Variants in EIF5A observed in about 807,000 individuals in gnomAD.
EIF5A encodes eukaryotic translation initiation factor 5A-1.
In EIF5A, 1 loss-of-function variant was observed where a neutral mutation model predicts 16.6. The observed-to-expected ratio is 0.06, with a 90% CI of 0.02 to 0.28. The LOEUF (loss-of-function observed/expected upper bound fraction) is 0.28, where lower values mean the gene tolerates loss of function less well. Ranked by LOEUF, EIF5A falls within the 10% of genes least tolerant of loss-of-function variation. EIF5A has a pLI of 1.00. For missense variants in EIF5A, 29 were observed against 196.1 expected (o/e 0.15, Z 5.09); for synonymous variants, 80 against 73.6 (o/e 1.09, Z -0.44).
Position 7,311,488 on chromosome 17 carries a change from T to G in EIF5A, c.402+7T>G. 1 of 1,614,120 alleles carries G rather than the reference T, an allele frequency of 6.2e-7. No homozygotes were observed. The highest frequency in any genetic ancestry group is 8.5e-7 in the Non-Finnish European group (1 of 1,180,000). ...CTGTGGAGAAGAGATCCTGGTATGG[T>G]GCCTCCCTCCCTGCTTCTGTGCTCA... On this transcript the variant is annotated splice_region_variant and intron_variant, in intron 4 of 5. Coordinates refer to ENST00000336458, the MANE Select transcript of EIF5A (RefSeq NM_001970.5).
chr17:7,307,479 T>C (rs1026163977), upstream of EIF5A: 5 of 1,023,760 alleles, frequency 4.9e-6, no homozygotes, highest in Non-Finnish European at 4.7e-6. Context: ...CGTATGCGCG[T>C]CATTGGACGG....
chr17:7,311,219 A>AG (rs2072816579), intron 3 of EIF5A, 97 bp downstream of exon 3: 1 of 1,578,496 alleles, frequency 6.3e-7, no homozygotes, highest in African/African-American at 1.4e-5. Flanking sequence ...GCTGGGAGAG[A>AG]GGAGGGAAAT....
In EIF5A at chr17:7,309,872, C is replaced by A. The variant is rs532826333; in HGVS notation, c.165+72C>A. 2.5e-6 allele frequency: 4 copies of A among 1,613,948 alleles called. No individual in the cohort carries two copies. The African/African-American group carries it at 5.3e-5, about 22-fold the overall frequency. ...CTTTGGCGCTCCCAGCAGCAAGCTG[C>A]CAACAGTGCTGACTTTCCTTTAACT... On this transcript the variant is annotated intron_variant, in intron 2 of 5. Transcript: ENST00000336458.
chr17:7,310,052 A>C (rs757021938), intron 2 of EIF5A: 46 of 1,475,742 alleles, frequency 3.1e-5, no homozygotes, highest in South Asian at 2.8e-4. Flanking sequence ...GCTTTGTGCC[A>C]ATCTCTTCAA....
chr17:7,307,215 C>G (rs1273643658), upstream of EIF5A: 13 of 1,357,100 alleles, frequency 9.6e-6, no homozygotes, highest in South Asian at 8.8e-5. Flanking sequence ...CTTTTCAACG[C>G]CTGGCGTACT....
At chr17:7,309,846 T>G in intron 2 of EIF5A, 46 bp downstream of exon 2, 1 of 1,614,094 alleles carries the variant, frequency 6.2e-7, no homozygotes, top group Non-Finnish European at 8.5e-7. Flanking sequence ...GCCTCCAGTA[T>G]CTTTGGCGCT....
intron 1 of EIF5A, chr17:7,308,013 C>G (rs1022309857): frequency 5.1e-6 from 5 of 985,030 alleles, no homozygotes; most frequent in Non-Finnish European, 6.0e-6. Flanking sequence ...CGGGAGAGGC[C>G]GCCAGGCGGC....
intron 2 of EIF5A, chr17:7,310,176 G>A (rs926129418): frequency 1.2e-5 from 15 of 1,294,394 alleles, no homozygotes; most frequent in Non-Finnish European, 1.4e-5. Flanking sequence ...ACGTTGCCCA[G>A]GGTTTCTCCA....
chr17:7,311,954 A>C lies in EIF5A; in HGVS notation c.*144A>C. ...TTGACGTTTTATTTTGGTTTTCCCC[A>C]CCCCCTCAATCTGTCGGGGAGCCCC... On this transcript the variant is annotated 3_prime_UTR_variant, in exon 6 of 6. Transcript: ENST00000336458. The C allele has an allele frequency of 6.7e-6, 3 of 447,790 alleles. No individual in the cohort carries two copies. Among genetic ancestry groups the C allele is most frequent in the Non-Finnish European group, 1.3e-5 (3 of 237,500 alleles). The allele number at this position is 447,790 out of a possible 1,614,324, so 27.7% of individuals were successfully genotyped here. A position where few individuals can be genotyped will look rare whatever the true frequency, so the allele number is the denominator to read the frequency against.
chr17:7,308,380 G>C (rs762730149), intron 1 of EIF5A: 266 of 1,203,930 alleles, frequency 2.2e-4, no homozygotes, highest in Non-Finnish European at 2.7e-4. Context: ...GGCAGGAGCC[G>C]GCAGCCCCTA....
At chr17:7,307,264 A>G, upstream of EIF5A, 2 of 1,191,018 alleles carry the variant, frequency 1.7e-6, no homozygotes, top group African/African-American at 3.1e-5. Flanking sequence ...TAGGATTCCG[A>G]ACACGCATGC....
chr17:7,311,656 G>T lies in EIF5A; in HGVS notation c.*11+5G>T. ...GGCAAAATAACTGGCTCCCAGGTGAGTGTGACAAATCCCTCACTGTCCCCT... is the reference window on the plus strand; with the variant it reads ...GGCAAAATAACTGGCTCCCAGGTGATTGTGACAAATCCCTCACTGTCCCCT... On this transcript the variant is annotated splice_donor_5th_base_variant and intron_variant, in intron 5 of 5. Coordinates refer to ENST00000336458, the MANE Select transcript of EIF5A (RefSeq NM_001970.5). 1 of 1,614,076 alleles carries T rather than the reference G, an allele frequency of 6.2e-7. No individual in the cohort carries two copies. The highest frequency in any genetic ancestry group is 8.5e-7 in the Non-Finnish European group (1 of 1,180,022).
chr17:7,309,540 T>G, intron 1 of EIF5A, 75 bp from the exon 2 acceptor site: 1 of 1,572,952 alleles, frequency 6.4e-7, no homozygotes, highest in Non-Finnish European at 8.6e-7. Flanking sequence ...AAAATGTTTC[T>G]GGAGAGAAAT....
intron 2 of EIF5A, chr17:7,310,454 GGT>G (rs34892598): frequency 0.058 from 68,525 of 1,174,082 alleles, 2,757 homozygotes; most frequent in East Asian, 0.28. Flanking sequence ...AATTTCTTGT[GGT>G]GTTTTTCCTT....
intron 1 of EIF5A, 162 bp from the exon 2 acceptor site, chr17:7,309,453 A>G (rs1355907526): frequency 5.6e-6 from 5 of 895,442 alleles, no homozygotes; most frequent in East Asian, 2.6e-5. Flanking sequence ...GTTCTTGAGT[A>G]TATTTGAGCC....
intron 1 of EIF5A, chr17:7,308,371 G>T: frequency 8.4e-7 from 1 of 1,191,248 alleles, no homozygotes; most frequent in African/African-American, 1.6e-5. Context: ...CACATGGTCG[G>T]CAGGAGCCGG....
At position 7,307,638 on chromosome 17, in the gene EIF5A, C is replaced by A. The variant is rs1398356404; in HGVS notation, c.-136C>A. The A allele has an allele frequency of 3.8e-6, 4 of 1,044,234 alleles. No individual in the cohort carries two copies. Among genetic ancestry groups the A allele is most frequent in the Admixed American group, 5.9e-5 (1 of 16,852 alleles). 64.7% of individuals were successfully genotyped at this position (1,044,234 alleles called of 1,614,324 possible). A position where few individuals can be genotyped will look rare whatever the true frequency, so the allele number is the denominator to read the frequency against. On this transcript the variant is annotated 5_prime_UTR_variant, in exon 1 of 6. Coordinates refer to ENST00000336458, the MANE Select transcript of EIF5A (RefSeq NM_001970.5). Reference sequence around the variant, plus strand: ...GGAGTCGGCGCCTGCGTACTAAGACCCGTGTGCAGCAGCGGCGGCGGCGGT... The same window carrying A: ...GGAGTCGGCGCCTGCGTACTAAGACACGTGTGCAGCAGCGGCGGCGGCGGT...
chr17:7,311,822 G>C lies in EIF5A; in HGVS notation c.*12G>C. ...TTACTAATTTCTCTCTCCTACCTAG[G>C]GTGGCGGTGGTGGCAGCAGTGATCC... On this transcript the variant is annotated splice_region_variant and 3_prime_UTR_variant, in exon 6 of 6. Transcript: ENST00000336458. 1 of 917,300 alleles carries C rather than the reference G, an allele frequency of 1.1e-6. No homozygotes were observed. Among genetic ancestry groups the C allele is most frequent in the Non-Finnish European group, 1.7e-6 (1 of 599,564 alleles). 56.8% of individuals were successfully genotyped at this position (917,300 alleles called of 1,614,324 possible).
At position 7,309,607 on chromosome 17, in the gene EIF5A, G is replaced by C; in HGVS notation, c.-21-8G>C. On this transcript the variant is annotated splice_region_variant and splice_polypyrimidine_tract_variant and intron_variant, in intron 1 of 5. Coordinates refer to ENST00000336458, the MANE Select transcript of EIF5A (RefSeq NM_001970.5). ...GCTTATTCACTTCAGTTCTCTTCTT[G>C]GCTCTAGTTGGAATCGAAGCCTCTT... The C allele has an allele frequency of 2.5e-6, 4 of 1,614,018 alleles. No individual in the cohort carries two copies. In the South Asian group the frequency reaches 3.3e-5, roughly 13 times the overall value.
Sources: allele counts gnomAD v4.1 joint callset, GRCh38; gene constraint gnomAD v4.1.1; transcripts MANE v1.5; gene names NCBI Gene and HGNC (gene_info 2026-07-23, HGNC 2026-07-21).